The following CTBP1 variants were observed in gnomAD, a reference collection of about 807,000 sequenced individuals.
CTBP1 encodes C-terminal-binding protein 1.
Under a neutral mutation model 42.1 loss-of-function variants are expected in CTBP1, and 11 were observed. The observed-to-expected ratio is 0.26, with a 90% CI of 0.16 to 0.43. The LOEUF is 0.43. Among genes scored for constraint, CTBP1 ranks in the 20% least tolerant of loss-of-function variants. The pLI is 1.00. For synonymous variants in CTBP1, 324 were observed against 277.1 expected (o/e 1.17, Z -1.68); for missense variants, 399 against 624.3 (o/e 0.64, Z 3.85).
At chr4:1,223,665 C>A (rs1477962735) in intron 5 of CTBP1, among the ~76,000 whole-genome samples, 1 of 152,020 alleles carries the variant, frequency 6.6e-6, no homozygotes, top group African/African-American at 2.4e-5. Flanking sequence ...AAAAGGTACA[C>A]CACCCCCGCC....
At chr4:1,230,855 G>C (rs1054553497) in intron 3 of CTBP1, among the ~76,000 whole-genome samples, 1 of 152,248 alleles carries the variant, frequency 6.6e-6, no homozygotes, top group Admixed American at 6.5e-5. Flanking sequence ...CGGAGAAGCC[G>C]AAGCGTGCGC....
intron 4 of CTBP1, among the ~76,000 whole-genome samples, chr4:1,227,004 C>T (rs1243351170): frequency 1.3e-5 from 2 of 152,086 alleles, no homozygotes; most frequent in Non-Finnish European, 2.9e-5. Context: ...GGGCAGGGTA[C>T]AACCTCGCCT....
intron 7 of CTBP1, chr4:1,214,093 T>A (rs2306475): frequency 2.0e-6 from 1 of 509,946 alleles, no homozygotes; most frequent in African/African-American, 2.0e-5. Context: ...TCTCTCCTGG[T>A]TGGTCAGGAG....
intron 5 of CTBP1, chr4:1,217,510 A>C (rs1410963923): frequency 6.6e-6 from 1 of 152,374 alleles, no homozygotes; most frequent in African/African-American, 2.4e-5. Context: ...GGAAGAGAAC[A>C]CAGGCAGACA....
intron 1 of CTBP1, chr4:1,242,704 G>C: frequency 2.0e-6 from 2 of 985,432 alleles, no homozygotes; most frequent in South Asian, 4.7e-5. Context: ...CTGTGGAGCG[G>C]GATCCCCATC....
chr4:1,238,769 C>T lies in CTBP1; in HGVS notation c.8-432G>A, dbSNP rs1232891103. ...GACATTTCCAGACCCACCGAGACAC[C>T]TCCCGACCCTCCTAGGCCCTCCAAG... On this transcript the variant is annotated intron_variant, in intron 2 of 9. Transcript: ENST00000382952. The surrounding 1 kb of genome is among the most constrained non-coding windows in gnomAD (Gnocchi z 5.9). Among the ~76,000 whole-genome samples the T allele has an allele frequency of 4.0e-5, 6 of 151,436 alleles. No homozygotes were observed. Among genetic ancestry groups the T allele is most frequent in the Non-Finnish European group, 4.4e-5 (3 of 67,830 alleles).
intron 1 of CTBP1, among the ~76,000 whole-genome samples, chr4:1,246,550 C>G (rs978577334): frequency 2.6e-5 from 4 of 152,234 alleles, no homozygotes; most frequent in African/African-American, 9.6e-5. Context: ...CAGCCGGGCA[C>G]AAAGTGCTGC....
chr4:1,213,472 G>A lies in CTBP1; in HGVS notation c.988+6C>T, dbSNP rs200372566. On this transcript the variant is annotated splice_donor_region_variant and intron_variant, in intron 8 of 9. Transcript: ENST00000382952. Reference sequence around the variant, plus strand: ...CCAGGCCTGACCGAGCGGCCCCCACGCCCACCTGTGATGGCTCTGCGGATC... The same window carrying A: ...CCAGGCCTGACCGAGCGGCCCCCACACCCACCTGTGATGGCTCTGCGGATC... The A allele has an allele frequency of 1.5e-4, 246 of 1,609,470 alleles. No individual in the cohort carries two copies. The highest frequency in any genetic ancestry group is 1.7e-4 in the Non-Finnish European group (206 of 1,179,810).
upstream of CTBP1, chr4:1,249,965 C>G: frequency 5.8e-6 from 1 of 171,276 alleles, no homozygotes; most frequent in South Asian, 9.1e-5. Context: ...CCTGCTCACC[C>G]AGGGGCTGCC....
intron 5 of CTBP1, chr4:1,217,545 C>T (rs939251608): frequency 6.6e-6 from 1 of 152,308 alleles, no homozygotes; most frequent in Non-Finnish European, 1.5e-5. Flanking sequence ...TCCCACAGCG[C>T]AGAAGGCGGA....
chr4:1,215,261 G>A (rs958122199), intron 6 of CTBP1, among the ~76,000 whole-genome samples: 1 of 152,258 alleles, frequency 6.6e-6, no homozygotes, highest in Admixed American at 6.5e-5. Flanking sequence ...CATCCTCCTT[G>A]TGGCTACAGG....
chr4:1,242,548 C>T (rs766806634), intron 1 of CTBP1: 8 of 985,344 alleles, frequency 8.1e-6, no homozygotes, highest in Non-Finnish European at 9.6e-6. Context: ...TTCAAGCATA[C>T]ATGCCGACCA....
intron 7 of CTBP1, 70 bp from the exon 8 acceptor site, chr4:1,213,675 G>A (rs549738992): frequency 1.9e-6 from 3 of 1,541,336 alleles, no homozygotes; most frequent in African/African-American, 2.7e-5. Flanking sequence ...AGGTGGCTGG[G>A]CACTGGAACC....
In CTBP1 at chr4:1,228,324, C is replaced by G; in HGVS notation, c.182G>C (p.Gly61Ala). 6.2e-7 allele frequency: 1 copy of G among 1,613,906 alleles called. No individual in the cohort carries two copies. The highest frequency in any genetic ancestry group is 8.5e-7 in the Non-Finnish European group (1 of 1,179,840). ...IHEKVLNEAV[G>A]ALMYHTITLT... is the part of the protein sequence containing the mutation. ...AGTGATGGTGTGGTACATCAGGGCC[C>G]CCACAGCCTCGTTCAGGACCTGCAG... The change falls in exon 4 of 10, where the codon GGG becomes GCG. Residue 61 changes from glycine (G) to alanine (A), a missense_variant. Physicochemically the swap from Gly to Ala is moderately conservative, Grantham distance 60 (BLOSUM62 0). Coordinates refer to ENST00000382952, the MANE Select transcript of CTBP1 (RefSeq NM_001012614.2).
intron 1 of CTBP1, chr4:1,242,396 G>C (rs1732269989): frequency 1.0e-6 from 1 of 985,228 alleles, no homozygotes; most frequent in Admixed American, 6.1e-5. Context: ...CCAGCAGCAT[G>C]GCAGGCGTGG....
chr4:1,225,158 T>A (rs1190118338), intron 5 of CTBP1, among the ~76,000 whole-genome samples: 3 of 152,122 alleles, frequency 2.0e-5, no homozygotes, highest in Non-Finnish European at 4.4e-5. Flanking sequence ...GAGACCCACG[T>A]GTGCTGTGAC....
In CTBP1 at chr4:1,217,849, A is replaced by G. The variant is rs535765290; in HGVS notation, c.515-1644T>C. 2.6e-5 allele frequency: 4 copies of G among 152,392 alleles called. No homozygotes were observed. The South Asian group carries it at 8.3e-4, about 32-fold the overall frequency. The allele number at this position is 152,392 out of a possible 1,614,324, so 9.4% of individuals were successfully genotyped here. A position where few individuals can be genotyped will look rare whatever the true frequency, so the allele number is the denominator to read the frequency against. On this transcript the variant is annotated intron_variant, in intron 5 of 9. Coordinates refer to ENST00000382952, the MANE Select transcript of CTBP1 (RefSeq NM_001012614.2). ...CAGATGACCGAGGCTGGAATCAGCC[A>G]GCAAAACCTCTTAATAACTACTATA...
chr4:1,228,127 C>T (rs1730579201), intron 4 of CTBP1, 72 bp downstream of exon 4: 17 of 1,571,250 alleles, frequency 1.1e-5, no homozygotes, highest in Non-Finnish European at 1.5e-5. Context: ...GGCAGTGAAG[C>T]CTCCATGGAC....
At chr4:1,225,800 G>A (rs935425000) in intron 4 of CTBP1, among the ~76,000 whole-genome samples, 8 of 152,240 alleles carry the variant, frequency 5.3e-5, no homozygotes, top group Non-Finnish European at 7.4e-5. Context: ...GCACACACAC[G>A]GCAACTGCTC....
Sources: allele counts gnomAD v4.1 joint callset (sites outside exome capture counted in the v4.1 genomes callset), GRCh38; gene constraint gnomAD v4.1.1; non-coding constraint Gnocchi (gnomAD v3.1); transcripts MANE v1.5; gene names NCBI Gene and HGNC (gene_info 2026-07-23, HGNC 2026-07-21).